Variants in ANKFY1 observed in about 807,000 individuals in gnomAD.
The protein encoded by ANKFY1 is ankyrin repeat and FYVE domain-containing protein 1.
In ANKFY1, 47 loss-of-function variants were observed where a neutral mutation model predicts 128.3. That is an observed-to-expected ratio of 0.37 (90% CI 0.29 to 0.47). The LOEUF (loss-of-function observed/expected upper bound fraction) is 0.47, where lower values mean the gene tolerates loss of function less well. Ranked by LOEUF, ANKFY1 falls within the 20% of genes least tolerant of loss-of-function variation. The pLI is 1.00. For missense variants in ANKFY1, 1,222 were observed against 1,510.6 expected (o/e 0.81, Z 3.17); for synonymous variants, 553 against 601.6 (o/e 0.92, Z 1.18).
chr17:4,210,231 C>T (rs545839354), intron 4 of ANKFY1, among the ~76,000 whole-genome samples: 1 of 152,330 alleles, frequency 6.6e-6, no homozygotes, highest in Non-Finnish European at 1.5e-5. Context: ...ACACATACGA[C>T]ACCCGCTGAT....
At chr17:4,170,921 A>C (rs1195682167) in intron 22 of ANKFY1, 60 bp from the exon 23 acceptor site, 1 of 1,611,218 alleles carries the variant, frequency 6.2e-7, no homozygotes, top group East Asian at 2.2e-5. Context: ...GCAGCCACAG[A>C]CGGAGGGCGG....
chr17:4,209,772 G>A, intron 5 of ANKFY1, 52 bp downstream of exon 5: 2 of 1,555,318 alleles, frequency 1.3e-6, no homozygotes, highest in Non-Finnish European at 8.8e-7. Context: ...CCCAGCGGCG[G>A]TCTCCTGACT....
In ANKFY1 at chr17:4,223,877, G is replaced by C. The variant is rs1362013447; in HGVS notation, c.323-6759C>G. 7 of 836,690 alleles carry C rather than the reference G, an allele frequency of 8.4e-6. No homozygotes were observed. The East Asian group carries it at 1.6e-4, about 19-fold the overall frequency. The allele number at this position is 836,690 out of a possible 1,614,324, so 51.8% of individuals were successfully genotyped here. On this transcript the variant is annotated intron_variant, in intron 3 of 24. Coordinates refer to ENST00000341657, the MANE Select transcript of ANKFY1 (RefSeq NM_001330063.2). ...CATCAGGAGAAAGGTGCCTGTCATG[G>C]ATGCTTTGTATCTAACACCACGCCA...
chr17:4,173,891 A>G lies in ANKFY1; in HGVS notation c.2923+18T>C, dbSNP rs2143000953. The stretch of plus-strand genomic sequence containing the variant: ...ATGGAGGGATCGTTCAAGCCACTAA[A>G]GAATGACTGGGAGTTACCATTGTTT... On this transcript the variant is annotated intron_variant, in intron 20 of 24. Coordinates refer to ENST00000341657, the MANE Select transcript of ANKFY1 (RefSeq NM_001330063.2). 1 of 1,608,678 alleles carries G rather than the reference A, an allele frequency of 6.2e-7. No individual in the cohort carries two copies. Among genetic ancestry groups the G allele is most frequent in the African/African-American group, 1.3e-5 (1 of 74,956 alleles).
chr17:4,174,942 T>A (rs922813972), intron 19 of ANKFY1, among the ~76,000 whole-genome samples: 1 of 151,652 alleles, frequency 6.6e-6, no homozygotes, highest in Admixed American at 6.5e-5. Context: ...TTGCCCAGAC[T>A]GGTGTCAAAC....
chr17:4,258,521 C>A lies in ANKFY1; in HGVS notation c.10+5411G>T, dbSNP rs186594804. Among the ~76,000 whole-genome samples, 62 of 141,436 alleles carry A rather than the reference C, an allele frequency of 4.4e-4. 1 individual carries two copies. In the East Asian group the frequency reaches 0.011, roughly 26 times the overall value. The allele number at this position is 141,436 out of a possible 152,430, so 92.8% of individuals were successfully genotyped here. The stretch of plus-strand genomic sequence containing the variant: ...CCTGGGAGACAGAGCCAGACTCCAA[C>A]TCAAAAAAAAAAAAAAAAAGTGGAA... On this transcript the variant is annotated intron_variant, in intron 1 of 24. Coordinates refer to ENST00000341657, the MANE Select transcript of ANKFY1 (RefSeq NM_001330063.2).
At position 4,179,781 on chromosome 17, in the gene ANKFY1, A is replaced by G. The variant is rs1444851124; in HGVS notation, c.2337T>C (p.Ser779=). 1 of 1,614,232 alleles carries G rather than the reference A, an allele frequency of 6.2e-7. No individual in the cohort carries two copies. The highest frequency in any genetic ancestry group is 8.5e-7 in the Non-Finnish European group (1 of 1,180,048). ...DGQTPLHLAA[S]WGLEETVQCL... ...ACTGTACTGTCTCTTCCAGCCCCCA[A>G]GAGGCTGCCAAATGCAAAGGGGTCT... is the stretch of plus-strand genomic sequence containing the variant. Residue 779 remains serine (S), a synonymous_variant, in exon 17 of 25, where the codon TCT becomes TCC. Transcript: ENST00000341657.
In ANKFY1 at chr17:4,242,249, C is replaced by T. The variant is rs1390405235; in HGVS notation, c.203+7G>A. 6 of 1,523,316 alleles carry T rather than the reference C, an allele frequency of 3.9e-6. No individual in the cohort carries two copies. The highest frequency in any genetic ancestry group is 8.8e-7 in the Non-Finnish European group (1 of 1,141,702). The allele number at this position is 1,523,316 out of a possible 1,614,324, so 94.4% of individuals were successfully genotyped here. On this transcript the variant is annotated splice_region_variant and intron_variant, in intron 2 of 24. Transcript: ENST00000341657. Reference sequence around the variant, plus strand: ...AAAGGGCCTTCTGTGTCTAGGAGCTCTCCCACCTGTACTGCTCCTGCTCGT... The same window carrying T: ...AAAGGGCCTTCTGTGTCTAGGAGCTTTCCCACCTGTACTGCTCCTGCTCGT...
chr17:4,185,624 G>A (rs953211400), intron 11 of ANKFY1, among the ~76,000 whole-genome samples: 6 of 152,108 alleles, frequency 3.9e-5, no homozygotes, highest in Non-Finnish European at 5.9e-5. Flanking sequence ...GAGGCACTGC[G>A]CCTGGTTCCA....
chr17:4,263,697 T>TCCGCAGCCGG, intron 1 of ANKFY1: 1 of 1,508,784 alleles, frequency 6.6e-7, no homozygotes, highest in Non-Finnish European at 8.8e-7. Flanking sequence ...CCAGCCCGGC[T>TCCGCAGCCGG]CCGCAGCCGG....
At chr17:4,222,462 C>A in intron 3 of ANKFY1, 1 of 816,500 alleles carries the variant, frequency 1.2e-6, no homozygotes, top group South Asian at 1.3e-5. Context: ...TCCAAGCGGA[C>A]AATGTTTTGG....
At chr17:4,184,385 G>C (rs1465725393) in intron 12 of ANKFY1, among the ~76,000 whole-genome samples, 1 of 152,234 alleles carries the variant, frequency 6.6e-6, no homozygotes, top group Non-Finnish European at 1.5e-5. Flanking sequence ...GGACAGGCAA[G>C]AGAAGGCGTG....
At chr17:4,262,102 G>T (rs1968450527) in intron 1 of ANKFY1, among the ~76,000 whole-genome samples, 1 of 152,212 alleles carries the variant, frequency 6.6e-6, no homozygotes, top group Non-Finnish European at 1.5e-5. Context: ...AAAGCGGATG[G>T]ATTGCTTGAG....
chr17:4,263,961 G>A lies in ANKFY1; in HGVS notation c.-20C>T. 2 of 1,613,966 alleles carry A rather than the reference G, an allele frequency of 1.2e-6. No homozygotes were observed. Among genetic ancestry groups the A allele is most frequent in the Non-Finnish European group, 8.5e-7 (1 of 1,179,934 alleles). On this transcript the variant is annotated 5_prime_UTR_variant, in exon 1 of 25. Coordinates refer to ENST00000341657, the MANE Select transcript of ANKFY1 (RefSeq NM_001330063.2). Reference sequence around the variant, plus strand: ...CGCCATGTCTGGCCCGGCACTGCCTGCAACCTCGCGAGAAGTGCGCGGCTC... The same window carrying A: ...CGCCATGTCTGGCCCGGCACTGCCTACAACCTCGCGAGAAGTGCGCGGCTC...
rs777545250 is a variant in ANKFY1, at chr17:4,182,295, G to A, written c.2007C>T (p.Leu669=). Residue 669 remains leucine (L), a synonymous_variant, in exon 15 of 25, where the codon CTC becomes CTT. Transcript: ENST00000341657. ...LQLAIRNQLP[L]VVDAICTRGA... Reference sequence around the variant, plus strand: ...CTCGGGTGCATATGGCATCAACTACGAGTGGAAGCTGGTTTCTGATGGCCA... The same window carrying A: ...CTCGGGTGCATATGGCATCAACTACAAGTGGAAGCTGGTTTCTGATGGCCA... The A allele has an allele frequency of 5.0e-6, 8 of 1,593,878 alleles. No homozygotes were observed. Among genetic ancestry groups the A allele is most frequent in the Middle Eastern group, 1.7e-4 (1 of 6,016 alleles).
chr17:4,167,604 CAATCATATGG>C lies in ANKFY1; in HGVS notation c.*165_*174del. The C allele has an allele frequency of 1.7e-6, 1 of 585,984 alleles. No homozygotes were observed. The highest frequency in any genetic ancestry group is 2.8e-6 in the Non-Finnish European group (1 of 361,336). 36.3% of individuals were successfully genotyped at this position (585,984 alleles called of 1,614,324 possible). A position where few individuals can be genotyped will look rare whatever the true frequency, so the allele number is the denominator to read the frequency against. On this transcript the variant is annotated 3_prime_UTR_variant, in exon 25 of 25. Coordinates refer to ENST00000341657, the MANE Select transcript of ANKFY1 (RefSeq NM_001330063.2). This position sits in a 1 kb window ranked among gnomAD's most constrained non-coding sequence, Gnocchi z 4.1. Reference sequence around the variant, plus strand: ...GATCACAGTCTGACACACACACTGACAATCATATGGAATCATTTGAAATGGGATCTATCAC... The same window carrying C: ...GATCACAGTCTGACACACACACTGACAATCATTTGAAATGGGATCTATCAC...
At position 4,183,415 on chromosome 17, in the gene ANKFY1, C is replaced by G; in HGVS notation, c.1935G>C (p.Gln645His). 2 of 1,613,910 alleles carry G rather than the reference C, an allele frequency of 1.2e-6. No homozygotes were observed. The highest frequency in any genetic ancestry group is 1.7e-6 in the Non-Finnish European group (2 of 1,179,976). ...SKSALFLLEH[Q>H]ADINVRTQDG... ...CCTCCTACCTGACATTTATATCTGC[C>G]TGGTGCTCCAGCAGGAAGAGTGCGC... Residue 645 changes from glutamine (Q) to histidine (H), a missense_variant, in exon 14 of 25, where the codon CAG becomes CAC. Coordinates refer to ENST00000341657, the MANE Select transcript of ANKFY1 (RefSeq NM_001330063.2).
intron 4 of ANKFY1, chr17:4,216,559 A>T (rs2060223605): frequency 3.8e-6 from 1 of 266,326 alleles, no homozygotes; most frequent in Non-Finnish European, 7.5e-6. Flanking sequence ...ACTTATTTGG[A>T]CAATATTTTC....
chr17:4,215,081 G>A (rs1251344361), intron 4 of ANKFY1, among the ~76,000 whole-genome samples: 2 of 152,026 alleles, frequency 1.3e-5, no homozygotes, highest in Non-Finnish European at 2.9e-5. Flanking sequence ...CTGAGGCTAG[G>A]AGTTTGAGAC....
Sources: allele counts gnomAD v4.1 joint callset (sites outside exome capture counted in the v4.1 genomes callset), GRCh38; gene constraint gnomAD v4.1.1; non-coding constraint Gnocchi (gnomAD v3.1); transcripts MANE v1.5; gene names NCBI Gene and HGNC (gene_info 2026-07-23, HGNC 2026-07-21).